ILKAP: variants seen among roughly 807,000 people sequenced by gnomAD.
ILKAP encodes the protein integrin-linked kinase-associated serine/threonine phosphatase 2C.
In ILKAP, 11 loss-of-function variants were observed where a neutral mutation model predicts 49.1. That is an observed-to-expected ratio of 0.22 (90% CI 0.14 to 0.37). The LOEUF (loss-of-function observed/expected upper bound fraction) is 0.37. Among genes scored for constraint, ILKAP ranks in the 10% least tolerant of loss-of-function variants. The pLI is 1.00. For missense variants in ILKAP, 363 were observed against 510.8 expected, an observed-to-expected ratio of 0.71 and a Z score of 2.79; for synonymous variants, 186 against 192.8, an observed-to-expected ratio of 0.96 and a Z score of 0.29.
In ILKAP at chr2:238,170,887, C is replaced by G. The variant is rs770562281; in HGVS notation, c.1038+56G>C. 5.2e-6 allele frequency: 8 copies of G among 1,538,626 alleles called. No homozygotes were observed. The East Asian group carries it at 1.8e-4, about 35-fold the overall frequency. ...AAATGGGGTCTCAGAACTTCTACTT[C>G]TCTGAAAACTAAGACACAATTGGGA... On this transcript the variant is annotated intron_variant, in intron 11 of 11. Coordinates refer to ENST00000254654, the MANE Select transcript of ILKAP (RefSeq NM_030768.3).
At chr2:238,178,942 C>T (rs1208860848) in intron 9 of ILKAP, among the ~76,000 whole-genome samples, 1 of 152,166 alleles carries the variant, frequency 6.6e-6, no homozygotes, top group Admixed American at 6.6e-5. Flanking sequence ...TGTGTGCCAC[C>T]CCACCTGGCT....
At chr2:238,187,748 A>G (rs545623399) in intron 5 of ILKAP, among the ~76,000 whole-genome samples, 1 of 152,306 alleles carries the variant, frequency 6.6e-6, no homozygotes, top group East Asian at 1.9e-4. Flanking sequence ...GCTGGTAAGG[A>G]GTAACACACG....
At position 238,194,282 on chromosome 2, in the gene ILKAP, G is replaced by A. The variant is rs943391423; in HGVS notation, c.171C>T (p.Gly57=). 1.2e-6 allele frequency: 2 copies of A among 1,613,580 alleles called. No homozygotes were observed. The highest frequency in any genetic ancestry group is 1.7e-5 in the Admixed American group (1 of 59,994). ...ATTTTTCCTACCACTTACCTGAATC[G>A]CCACTGCTAGCGGGTGGGAGATCAT... The part of the protein sequence containing the change: ...LFDDLPPASS[G]DSGSLATSIS... The change falls in exon 3 of 12, where the codon GGC becomes GGT. Residue 57 remains glycine, a synonymous_variant. Transcript: ENST00000254654.
chr2:238,185,426 G>A (rs1693862371), intron 5 of ILKAP, 139 bp from the exon 6 acceptor site: 2 of 554,456 alleles, frequency 3.6e-6, no homozygotes, highest in East Asian at 2.9e-5. Flanking sequence ...CAGTCACACT[G>A]TTACAAATGG....
intron 10 of ILKAP, 136 bp from the exon 11 acceptor site, chr2:238,171,160 C>CTTT (rs370968879): frequency 6.3e-5 from 25 of 399,550 alleles, no homozygotes; most frequent in Non-Finnish European, 8.1e-5. Context: ...TTTCTTTTTT[C>CTTT]TTTTTTTTTT....
chr2:238,190,258 G>A (rs1235558485), intron 3 of ILKAP, among the ~76,000 whole-genome samples: 2 of 151,960 alleles, frequency 1.3e-5, no homozygotes, highest in African/African-American at 2.4e-5. Context: ...GTTTTTTTTG[G>A]CCTGTAGCAT....
intron 2 of ILKAP, 82 bp downstream of exon 2, chr2:238,194,723 A>G: frequency 7.2e-7 from 1 of 1,381,884 alleles, no homozygotes; most frequent in Non-Finnish European, 1.0e-6. Context: ...AAAATGGGGG[A>G]AAGGGAAAAA....
intron 1 of ILKAP, among the ~76,000 whole-genome samples, chr2:238,196,063 G>T (rs904918495): frequency 6.9e-5 from 5 of 72,044 alleles, no homozygotes; most frequent in South Asian, 5.6e-4. Flanking sequence ...AAAAAAAAAA[G>T]TACTCACTTA....
chr2:238,197,137 G>A (rs752655513), intron 1 of ILKAP, among the ~76,000 whole-genome samples: 5 of 152,160 alleles, frequency 3.3e-5, no homozygotes, highest in African/African-American at 9.7e-5. Flanking sequence ...CGGAGGTTGC[G>A]GTGAGCTGAG....
chr2:238,175,633 C>T (rs373295453), intron 9 of ILKAP, among the ~76,000 whole-genome samples: 28 of 152,322 alleles, frequency 1.8e-4, no homozygotes, highest in African/African-American at 6.5e-4. Context: ...TCGAGCATCA[C>T]ACAAGGGTAA....
At chr2:238,203,366 G>C (rs1694657852) in intron 1 of ILKAP, 133 bp downstream of exon 1, 1 of 237,940 alleles carries the variant, frequency 4.2e-6, no homozygotes, top group Non-Finnish European at 7.3e-6. Flanking sequence ...GGCCAGGCAG[G>C]AGCAGGCCCC....
intron 1 of ILKAP, 31 bp downstream of exon 1, chr2:238,203,467 TC>T: frequency 1.6e-6 from 2 of 1,220,748 alleles, no homozygotes; most frequent in Non-Finnish European, 2.1e-6. Flanking sequence ...TGCTCTCCCT[TC>T]CCTGGCCGGC....
In ILKAP at chr2:238,185,438, A is replaced by G. The variant is rs181221013; in HGVS notation, c.426-151T>C. 305 of 515,452 alleles carry G rather than the reference A, an allele frequency of 5.9e-4. 2 individuals are homozygous for G. Among genetic ancestry groups the G allele is most frequent in the African/African-American group, 5.0e-3 (258 of 51,658 alleles). 31.9% of individuals were successfully genotyped at this position (515,452 alleles called of 1,614,324 possible). A position where few individuals can be genotyped will look rare whatever the true frequency, so the allele number is the denominator to read the frequency against. On this transcript the variant is annotated intron_variant, in intron 5 of 11. Coordinates refer to ENST00000254654, the MANE Select transcript of ILKAP (RefSeq NM_030768.3). ...CACCAGTCACACTGTTACAAATGGG[A>G]AAAAAAAGGCTTTAACTGAGACAAA...
chr2:238,185,054 C>T (rs1390243788), intron 6 of ILKAP, 127 bp downstream of exon 6: 2 of 635,746 alleles, frequency 3.1e-6, no homozygotes, highest in African/African-American at 3.6e-5. Flanking sequence ...CACTCCTCAG[C>T]ACCACTCTTT....
chr2:238,193,841 C>A lies in ILKAP; in HGVS notation c.178+434G>T, dbSNP rs574144054. 9.8e-5 allele frequency among the ~76,000 whole-genome samples: 15 copies of A among 152,316 alleles called. No individual in the cohort carries two copies. The South Asian group carries it at 3.1e-3, about 32-fold the overall frequency. The stretch of plus-strand genomic sequence containing the variant: ...AATCATACCTTTGCCGCAATGGCAA[C>A]AGGAATCTGCTCTATTCTTCCCTTC... On this transcript the variant is annotated intron_variant, in intron 3 of 11. Coordinates refer to ENST00000254654, the MANE Select transcript of ILKAP (RefSeq NM_030768.3).
At chr2:238,192,243 T>G (rs1574802500) in intron 3 of ILKAP, among the ~76,000 whole-genome samples, 2 of 149,452 alleles carry the variant, frequency 1.3e-5, no homozygotes. Context: ...AAAAGAAAAA[T>G]AATAAAATTT....
chr2:238,182,301 T>A (rs1305600705), intron 8 of ILKAP, 115 bp from the exon 9 acceptor site: 1 of 1,253,396 alleles, frequency 8.0e-7, no homozygotes, highest in Non-Finnish European at 1.1e-6. Context: ...ACAATGGAGT[T>A]TCACATTCAG....
intron 5 of ILKAP, chr2:238,186,590 A>G (rs929685102): frequency 6.6e-6 from 1 of 152,150 alleles, no homozygotes; most frequent in Admixed American, 6.5e-5. Flanking sequence ...TACTCAAATA[A>G]ATTTTAAATA....
chr2:238,194,642 T>A, intron 2 of ILKAP, 163 bp downstream of exon 2: 1 of 695,882 alleles, frequency 1.4e-6, no homozygotes, highest in Non-Finnish European at 2.4e-6. Flanking sequence ...ACTAGCAGAT[T>A]TTTCTGCCTT....
Sources: allele counts gnomAD v4.1 joint callset (sites outside exome capture counted in the v4.1 genomes callset), GRCh38; gene constraint gnomAD v4.1.1; transcripts MANE v1.5; gene names NCBI Gene and HGNC (gene_info 2026-07-23, HGNC 2026-07-21).